SREBF2: variants seen among roughly 807,000 people sequenced by gnomAD.
The protein encoded by SREBF2 is sterol regulatory element binding transcription factor 2.
Under a neutral mutation model 113.1 loss-of-function variants are expected in SREBF2, and 55 were observed. The ratio of observed to expected loss-of-function variants is 0.49; its 90% CI spans 0.39 to 0.61. The LOEUF is 0.61. SREBF2 is among the 20% of genes least tolerant of loss of function. The probability of loss-of-function intolerance (pLI) is 0.00; values close to 1 mark genes in which losing one functional copy is unlikely to be tolerated. For synonymous variants in SREBF2, 593 were observed against 605.7 expected (o/e 0.98, Z 0.31); for missense variants, 1,349 against 1,487.4 (o/e 0.91, Z 1.53).
At chr22:41,858,121 C>T (rs143761916) in intron 1 of SREBF2, among the ~76,000 whole-genome samples, 1 of 152,302 alleles carries the variant, frequency 6.6e-6, no homozygotes, top group East Asian at 1.9e-4. Context: ...CAGTTCTGTA[C>T]ATTCAATCAG....
chr22:41,868,430 G>A (rs1309154815), intron 2 of SREBF2, among the ~76,000 whole-genome samples, 181 bp from the exon 3 acceptor site: 1 of 152,194 alleles, frequency 6.6e-6, no homozygotes, highest in Non-Finnish European at 1.5e-5. Context: ...AGAAATTGAT[G>A]CAGCCCTTAT....
At chr22:41,899,545 C>A (rs2077446657) in intron 15 of SREBF2, 14 of 992,354 alleles carry the variant, frequency 1.4e-5, no homozygotes, top group Non-Finnish European at 1.7e-5. Flanking sequence ...CAGGAAGGAG[C>A]TGAGAAGAGT....
Position 41,898,676 on chromosome 22 carries a change from C to T in SREBF2, c.2633C>T (p.Thr878Met), listed in dbSNP as rs748817328. 53 of 1,613,872 alleles carry T rather than the reference C, an allele frequency of 3.3e-5. No individual in the cohort carries two copies. The highest frequency in any genetic ancestry group is 4.0e-5 in the African/African-American group (3 of 74,874). The change falls in exon 15 of 19, where the codon ACG becomes ATG. Residue 878 changes from threonine (T) to methionine (M), a missense_variant. Around this residue, in one of 2 missense-constraint regions of SREBF2, gnomAD observed 650 missense variants for 644.1 expected, o/e 1.01. Transcript: ENST00000361204. ...LGPDIICRWW[T>M]SAITVAISWL... The stretch of plus-strand genomic sequence containing the variant: ...CCAGACATCATCTGTCGGTGGTGGA[C>T]GTCTGCAATCACTGTGGCCATCAGC...
chr22:41,891,710 T>A (rs1300902655), intron 11 of SREBF2, among the ~76,000 whole-genome samples: 1 of 152,188 alleles, frequency 6.6e-6, no homozygotes, highest in African/African-American at 2.4e-5. Context: ...GTGGAAGCGA[T>A]GTCTGCGGGC....
chr22:41,839,999 G>A lies in SREBF2; in HGVS notation c.88+6641G>A, dbSNP rs976676548. 4.8e-5 allele frequency among the ~76,000 whole-genome samples: 6 copies of A among 125,230 alleles called. No individual in the cohort carries two copies. The East Asian group carries it at 9.5e-4, about 20-fold the overall frequency. 82.2% of individuals were successfully genotyped at this position (125,230 alleles called of 152,430 possible). On this transcript the variant is annotated intron_variant, in intron 1 of 18. Transcript: ENST00000361204. The stretch of plus-strand genomic sequence containing the variant: ...TTTTGAGACGGAGTCTCACTCTGTC[G>A]CCCAGGCTGAAGTGCAGTGGCGCGG...
At chr22:41,865,454 G>A (rs1348206932) in intron 1 of SREBF2, among the ~76,000 whole-genome samples, 1 of 152,162 alleles carries the variant, frequency 6.6e-6, no homozygotes, top group Non-Finnish European at 1.5e-5. Flanking sequence ...CTTCTATAGG[G>A]ACCAGTCATA....
chr22:41,870,830 G>C, intron 3 of SREBF2, 59 bp from the exon 4 acceptor site: 1 of 1,591,208 alleles, frequency 6.3e-7, no homozygotes, highest in Non-Finnish European at 8.6e-7. Flanking sequence ...AGTAAGAAAG[G>C]AATGCATAAC....
At chr22:41,870,258 C>T (rs925093930) in intron 3 of SREBF2, among the ~76,000 whole-genome samples, 1 of 152,194 alleles carries the variant, frequency 6.6e-6, no homozygotes, top group Non-Finnish European at 1.5e-5. Context: ...TCTCTGCCAT[C>T]CACCCTACCC....
rs1055410953 is a variant in SREBF2 at position 41,905,985 on chromosome 22, A to C, written c.*325A>C. 1.8e-6 allele frequency: 1 copy of C among 565,624 alleles called. No individual in the cohort carries two copies. The highest frequency in any genetic ancestry group is 3.4e-6 in the Non-Finnish European group (1 of 298,092). 35.0% of individuals were successfully genotyped at this position (565,624 alleles called of 1,614,324 possible). A position where few individuals can be genotyped will look rare whatever the true frequency, so the allele number is the denominator to read the frequency against. ...CCTGAGTTTCTCTCTCCTGAACCCTACTCTCTCCTTTTTGCTTCCTCAGTT... is the reference window on the plus strand; with the variant it reads ...CCTGAGTTTCTCTCTCCTGAACCCTCCTCTCTCCTTTTTGCTTCCTCAGTT... On this transcript the variant is annotated 3_prime_UTR_variant, in exon 19 of 19. Transcript: ENST00000361204.
chr22:41,834,238 C>T (rs2076747421), intron 1 of SREBF2, among the ~76,000 whole-genome samples: 1 of 152,136 alleles, frequency 6.6e-6, no homozygotes, highest in Non-Finnish European at 1.5e-5. Context: ...TTTTATACCC[C>T]TCCTTTCAAG....
Position 41,869,677 on chromosome 22 carries a change from G to A in SREBF2, c.720+885G>A, listed in dbSNP as rs570777405. On this transcript the variant is annotated intron_variant, in intron 3 of 18. Transcript: ENST00000361204. ...TTTTTGTATTTTTAGTAGAGATGGG[G>A]TTTCTCCAGGTTGGCCAGGCTGGTT... 8.3e-4 allele frequency among the ~76,000 whole-genome samples: 126 copies of A among 151,258 alleles called. 1 individual carries two copies. The highest frequency in any genetic ancestry group is 2.5e-3 in the African/African-American group (103 of 41,218).
intron 11 of SREBF2, among the ~76,000 whole-genome samples, chr22:41,889,194 C>T (rs968780829): frequency 1.3e-5 from 2 of 152,104 alleles, no homozygotes; most frequent in South Asian, 2.1e-4. Context: ...GGTGCAATCA[C>T]GGCACACTCT....
intron 1 of SREBF2, among the ~76,000 whole-genome samples, chr22:41,864,323 A>ATTTT (rs1300330185): frequency 1.3e-5 from 1 of 77,958 alleles, no homozygotes; most frequent in African/African-American, 5.6e-5. Context: ...ATATATATAT[A>ATTTT]TTTTTTTTTT....
chr22:41,861,346 G>T (rs1306295352), intron 1 of SREBF2, among the ~76,000 whole-genome samples: 1 of 152,072 alleles, frequency 6.6e-6, no homozygotes, highest in Non-Finnish European at 1.5e-5. Flanking sequence ...GCTGGGCATG[G>T]TGGCACGCAC....
intron 9 of SREBF2, 34 bp downstream of exon 9, chr22:41,878,157 C>G: frequency 6.2e-7 from 1 of 1,612,212 alleles, no homozygotes; most frequent in Non-Finnish European, 8.5e-7. Context: ...CCATCCTCCC[C>G]CAGACTTGAC....
chr22:41,833,177 G>T lies in SREBF2; in HGVS notation c.-94G>T, dbSNP rs1317720658. On this transcript the variant is annotated 5_prime_UTR_variant, in exon 1 of 19. Coordinates refer to ENST00000361204, the MANE Select transcript of SREBF2 (RefSeq NM_004599.4). The surrounding 1 kb of genome is among the most constrained non-coding windows in gnomAD (Gnocchi z 4.1). ...ACCCGTCGGTGAGGCGGTGCCGGGCGGGGGTTGTCGGGTGTCATGGGCGGT... is the reference window on the plus strand; with the variant it reads ...ACCCGTCGGTGAGGCGGTGCCGGGCTGGGGTTGTCGGGTGTCATGGGCGGT... 5 of 963,462 alleles carry T rather than the reference G, an allele frequency of 5.2e-6. No individual in the cohort carries two copies. The highest frequency in any genetic ancestry group is 3.4e-5 in the African/African-American group (2 of 58,430). 59.7% of individuals were successfully genotyped at this position (963,462 alleles called of 1,614,324 possible).
At chr22:41,855,479 G>T (rs1417815574) in intron 1 of SREBF2, among the ~76,000 whole-genome samples, 1 of 151,898 alleles carries the variant, frequency 6.6e-6, no homozygotes, top group African/African-American at 2.4e-5. Flanking sequence ...CCAAGATTGT[G>T]CCACTGCACT....
chr22:41,885,251 C>A (rs9623467), intron 11 of SREBF2, among the ~76,000 whole-genome samples: 15,355 of 152,188 alleles, frequency 0.1, 1,277 homozygotes, highest in African/African-American at 0.23. Flanking sequence ...ATTTTGGTCC[C>A]CTGAGGTAAT....
rs187199839 is a variant in SREBF2, at chr22:41,901,338, G to A, written c.2907+840G>A. ...GGGATGAACCCAGGACAGCGTGGCA[G>A]CCCCTACAGGGACAGGCAATGTGCA... is the stretch of plus-strand genomic sequence containing the variant. On this transcript the variant is annotated intron_variant, in intron 16 of 18. Coordinates refer to ENST00000361204, the MANE Select transcript of SREBF2 (RefSeq NM_004599.4). 5.8e-4 allele frequency among the ~76,000 whole-genome samples: 88 copies of A among 152,314 alleles called. 1 individual carries two copies. The highest frequency in any genetic ancestry group is 6.8e-3 in the Middle Eastern group (2 of 294).
Sources: allele counts gnomAD v4.1 joint callset (sites outside exome capture counted in the v4.1 genomes callset), GRCh38; gene constraint gnomAD v4.1.1; regional missense constraint gnomAD v4.1.1; non-coding constraint Gnocchi (gnomAD v3.1); transcripts MANE v1.5; gene names NCBI Gene and HGNC (gene_info 2026-07-23, HGNC 2026-07-21).